The following PCLO variants were observed in gnomAD, a reference collection of about 807,000 sequenced individuals.
PCLO encodes the protein protein piccolo.
PCLO carries 82 observed loss-of-function variants against 427.5 expected under a neutral mutation model. That is an observed-to-expected ratio of 0.19 (90% confidence interval 0.16 to 0.23). The LOEUF is 0.23. Ranked by LOEUF, PCLO falls within the 10% of genes least tolerant of loss-of-function variation. The pLI, the probability that PCLO is intolerant of heterozygous loss-of-function variation, is 1.00. For missense variants in PCLO, 6,239 were observed against 6,115.9 expected, an observed-to-expected ratio of 1.02 and a Z score of -0.67; for synonymous variants, 2,357 against 2,155.4, an observed-to-expected ratio of 1.09 and a Z score of -2.59.
chr7:82,995,347 G>A (rs186936387), intron 3 of PCLO, among the ~76,000 whole-genome samples: 5 of 152,066 alleles, frequency 3.3e-5, no homozygotes, highest in Admixed American at 3.3e-4. Context: ...AGAGGAATAG[G>A]CTTTTGCCAG....
chr7:83,017,608 T>A, intron 3 of PCLO, among the ~76,000 whole-genome samples: 1 of 152,114 alleles, frequency 6.6e-6, no homozygotes, highest in East Asian at 1.9e-4. Flanking sequence ...TATTTTAGCA[T>A]CCTTTTCCTA....
chr7:82,935,682 C>T (rs913962339), intron 6 of PCLO, among the ~76,000 whole-genome samples: 31 of 151,596 alleles, frequency 2.0e-4, no homozygotes, highest in African/African-American at 7.0e-4. Context: ...AACTTCATTT[C>T]ACAACGCAGA....
In PCLO at chr7:83,043,912, CTT is replaced by C. The variant is rs869061778; in HGVS notation, c.3301-77427_3301-77426del. On this transcript the variant is annotated intron_variant, in intron 3 of 24. Coordinates refer to ENST00000333891, the MANE Select transcript of PCLO (RefSeq NM_033026.6). ...AACTCAATCTTATTACTATTATTTT[CTT>C]TTTTTTTTTTTTTTTTTTTTTGCAT... Among the ~76,000 whole-genome samples the C allele has an allele frequency of 5.1e-4, 48 of 94,916 alleles. 1 individual carries two copies. The highest frequency in any genetic ancestry group is 7.1e-3 in the Middle Eastern group (1 of 140). 62.3% of individuals were successfully genotyped at this position (94,916 alleles called of 152,430 possible). A position where few individuals can be genotyped will look rare whatever the true frequency, so the allele number is the denominator to read the frequency against.
intron 3 of PCLO, among the ~76,000 whole-genome samples, chr7:83,116,088 T>C (rs1365411622): frequency 2.0e-5 from 3 of 151,970 alleles, no homozygotes; most frequent in African/African-American, 7.2e-5. Context: ...TTTTCTCCAA[T>C]AGTAAGATAG....
At position 83,162,831 on chromosome 7, in the gene PCLO, G is replaced by T. The variant is rs1792483784; in HGVS notation, c.-239C>A. The T allele has an allele frequency of 1.8e-6, 1 of 555,208 alleles. No individual in the cohort carries two copies. The highest frequency in any genetic ancestry group is 3.6e-5 in the Admixed American group (1 of 27,448). 34.4% of individuals were successfully genotyped at this position (555,208 alleles called of 1,614,324 possible). On this transcript the variant is annotated 5_prime_UTR_variant, in exon 1 of 25. In the 5' UTR this introduces an upstream ATG that the reference lacks. Transcript: ENST00000333891. Reference sequence around the variant, plus strand: ...TGGACAGCGCCAGGCAACCTTTGCAGAAGACACCTCCCGGACGCCGCCTCG... The same window carrying T: ...TGGACAGCGCCAGGCAACCTTTGCATAAGACACCTCCCGGACGCCGCCTCG...
chr7:82,912,569 G>A (rs1428578049), intron 7 of PCLO, among the ~76,000 whole-genome samples: 1 of 151,810 alleles, frequency 6.6e-6, no homozygotes, highest in African/African-American at 2.4e-5. Flanking sequence ...ATATATTTTA[G>A]TTTAATTTCA....
At position 82,966,123 on chromosome 7, in the gene PCLO, G is replaced by A. The variant is rs778212279; in HGVS notation, c.3665C>T (p.Pro1222Leu). 12 of 1,605,234 alleles carry A rather than the reference G, an allele frequency of 7.5e-6. No homozygotes were observed. In the South Asian group the frequency reaches 1.2e-4, roughly 17 times the overall value. ...KPLPEEKKLI[P>L]EEEKIRSEEK... ...TTCAGAACGTATCTTTTCTTCTTCA[G>A]GGATTAGTTTTTTTTCTTCAGGGAG... Residue 1222 changes from proline to leucine, a missense_variant, in exon 4 of 25, where the codon CCT becomes CTT. Coordinates refer to ENST00000333891, the MANE Select transcript of PCLO (RefSeq NM_033026.6).
intron 10 of PCLO, among the ~76,000 whole-genome samples, chr7:82,864,849 A>G (rs1316927935): frequency 1.3e-5 from 2 of 152,186 alleles, no homozygotes; most frequent in Non-Finnish European, 2.9e-5. Context: ...GCAATTGATT[A>G]TTAATTCTTA....
At position 83,135,641 on chromosome 7, in the gene PCLO, A is replaced by G; in HGVS notation, c.1909T>C (p.Cys637Arg). Residue 637 changes from cysteine (C) to arginine (R), a missense_variant, in exon 3 of 25, where the codon TGT becomes CGT. Physicochemically the swap from Cys to Arg is radical, Grantham distance 180. This residue lies in a region of PCLO where 4,677 missense variants were observed against 4,468.4 expected (regional missense o/e 1.05). Transcript: ENST00000333891. ...GCTCTTTTCATTTGACAGTTCAAAC[A>G]GAGCCACTCTTTTACCTACAAATAA... ...PHLTEVKEWL[C>R]LNCQMKRALG... 6.3e-7 allele frequency: 1 copy of G among 1,597,414 alleles called. No homozygotes were observed. Among genetic ancestry groups the G allele is most frequent in the South Asian group, 1.1e-5 (1 of 88,894 alleles).
At chr7:82,961,541 T>A in intron 4 of PCLO, among the ~76,000 whole-genome samples, 1 of 152,326 alleles carries the variant, frequency 6.6e-6, no homozygotes. Context: ...CTGGAAGCTA[T>A]CTATGCAAAG....
At chr7:83,078,043 G>C (rs1252718281) in intron 3 of PCLO, among the ~76,000 whole-genome samples, 1 of 152,072 alleles carries the variant, frequency 6.6e-6, no homozygotes, top group Non-Finnish European at 1.5e-5. Context: ...CCAGCACTCA[G>C]AGTACAGGAA....
At chr7:83,027,292 G>A (rs944987289) in intron 3 of PCLO, among the ~76,000 whole-genome samples, 2 of 151,246 alleles carry the variant, frequency 1.3e-5, no homozygotes, top group African/African-American at 2.4e-5. Flanking sequence ...CGATCCCACA[G>A]AAATACAAAC....
chr7:82,770,234 C>A (rs1384387125), intron 22 of PCLO, among the ~76,000 whole-genome samples: 1 of 151,412 alleles, frequency 6.6e-6, no homozygotes, highest in Non-Finnish European at 1.5e-5. Context: ...TTTTATTTCT[C>A]CATATTCCCT....
At position 82,949,681 on chromosome 7, in the gene PCLO, A is replaced by G; in HGVS notation, c.10907T>C (p.Leu3636Ser). 6.2e-7 allele frequency: 1 copy of G among 1,613,808 alleles called. No homozygotes were observed. The highest frequency in any genetic ancestry group is 8.5e-7 in the Non-Finnish European group (1 of 1,179,828). ...PISPLSPGKALESAFVPYEKP... is the reference protein window; with the variant it reads ...PISPLSPGKASESAFVPYEKP... Reference sequence around the variant, plus strand: ...TTCATAAGGTACAAAGGCTGATTCTAAGGCTTTGCCTGGTGAAAGTGGTGA... The same window carrying G: ...TTCATAAGGTACAAAGGCTGATTCTGAGGCTTTGCCTGGTGAAAGTGGTGA... Residue 3636 changes from leucine (L) to serine (S), a missense_variant, in exon 6 of 25, where the codon TTA becomes TCA. By Grantham distance (145) the Leu-to-Ser change is moderately radical. This residue lies in a region of PCLO where 4,677 missense variants were observed against 4,468.4 expected (regional missense o/e 1.05). Coordinates refer to ENST00000333891, the MANE Select transcript of PCLO (RefSeq NM_033026.6).
intron 3 of PCLO, among the ~76,000 whole-genome samples, chr7:83,101,184 G>C (rs1790728746): frequency 6.6e-6 from 1 of 151,520 alleles, no homozygotes; most frequent in Non-Finnish European, 1.5e-5. Context: ...CACAAAAAAG[G>C]AACATAATCA....
intron 3 of PCLO, among the ~76,000 whole-genome samples, chr7:83,034,558 A>T (rs1332584247): frequency 6.6e-6 from 1 of 152,190 alleles, no homozygotes; most frequent in Non-Finnish European, 1.5e-5. Context: ...AATGATGCAG[A>T]ATGTTTTAGA....
intron 2 of PCLO, among the ~76,000 whole-genome samples, chr7:83,154,509 T>C (rs921289225): frequency 3.3e-5 from 5 of 152,204 alleles, no homozygotes; most frequent in Non-Finnish European, 7.3e-5. Flanking sequence ...CCAGCATCTT[T>C]CAATCAATTT....
At chr7:82,998,875 T>C (rs1006788130) in intron 3 of PCLO, among the ~76,000 whole-genome samples, 6 of 151,832 alleles carry the variant, frequency 4.0e-5, no homozygotes, top group Admixed American at 1.3e-4. Flanking sequence ...GTTGCAATGA[T>C]CAGACTGGAG....
intron 3 of PCLO, among the ~76,000 whole-genome samples, chr7:83,130,163 ATTAT>A (rs1562979510): frequency 2.0e-5 from 3 of 151,516 alleles, no homozygotes; most frequent in African/African-American, 7.3e-5. Flanking sequence ...TGTTGTTGTT[ATTAT>A]TTGAGACGAA....
Sources: allele counts gnomAD v4.1 joint callset (sites outside exome capture counted in the v4.1 genomes callset), GRCh38; gene constraint gnomAD v4.1.1; regional missense constraint gnomAD v4.1.1; transcripts MANE v1.5; gene names NCBI Gene and HGNC (gene_info 2026-07-23, HGNC 2026-07-21).